SLC39A5: variants seen among roughly 807,000 people sequenced by gnomAD.
SLC39A5 encodes solute carrier family 39 member 5.
Under a neutral mutation model 46.9 loss-of-function variants are expected in SLC39A5, and 42 were observed. That is an observed-to-expected ratio of 0.90 (90% CI 0.70 to 1.16). The LOEUF (loss-of-function observed/expected upper bound fraction) is 1.16. Among genes scored for constraint, SLC39A5 ranks in the 50% most tolerant of loss-of-function variants. SLC39A5 has a pLI of 0.00. For missense variants in SLC39A5, 677 were observed against 686.8 expected, an observed-to-expected ratio of 0.99 and a Z score of 0.16; for synonymous variants, 311 against 323.1, an observed-to-expected ratio of 0.96 and a Z score of 0.40.
At position 56,236,663 on chromosome 12, in the gene SLC39A5, A is replaced by T. The variant is rs144206133; in HGVS notation, c.1124A>T (p.His375Leu). Residue 375 changes from histidine to leucine, a missense_variant, in exon 10 of 13, where the codon CAT becomes CTT. His to Leu is a moderately conservative substitution (Grantham distance 99). Transcript: ENST00000454355. ...LAPPGHQGHS[H>L]GHQGGTDITW... ...CCTCCTGGGCACCAAGGCCACAGTC[A>T]TGGGCACCAGGGTGGCACTGATATC... The T allele has an allele frequency of 1.5e-4, 250 of 1,613,650 alleles. No individual in the cohort carries two copies. The highest frequency in any genetic ancestry group is 4.9e-4 in the Middle Eastern group (3 of 6,082).
Position 56,236,968 on chromosome 12 carries a change from T to C in SLC39A5, c.1245T>C (p.Ser415=). The part of the protein sequence containing the change: ...AFSDGFSSGL[S]TTLAVFCHEL... ...CTGATGGCTTCTCCAGCGGCCTCAGTACCACCTTAGCGGTCTTCTGCCATG... is the reference window on the plus strand; with the variant it reads ...CTGATGGCTTCTCCAGCGGCCTCAGCACCACCTTAGCGGTCTTCTGCCATG... Residue 415 remains serine, a synonymous_variant, in exon 11 of 13, where the codon AGT becomes AGC. Coordinates refer to ENST00000454355, the MANE Select transcript of SLC39A5 (RefSeq NM_173596.3). 1 of 1,614,110 alleles carries C rather than the reference T, an allele frequency of 6.2e-7. No homozygotes were observed. Among genetic ancestry groups the C allele is most frequent in the Non-Finnish European group, 8.5e-7 (1 of 1,179,972 alleles).
In SLC39A5 at chr12:56,231,371, G is replaced by C. The variant is rs369244817; in HGVS notation, c.97G>C (p.Glu33Gln). ...GGSVPNLGPA[E>Q]QEQNHYLAQL... ...CTCAGTCCCCAACCTGGGCCCTGCT[G>C]AGCAGGAGCAGAACCATTACCTGGC... The change falls in exon 4 of 13, where the codon GAG (glutamate) becomes CAG (glutamine). Residue 33 changes from glutamate to glutamine, a missense_variant. Physicochemically the swap from Glu to Gln is conservative, Grantham distance 29. Coordinates refer to ENST00000454355, the MANE Select transcript of SLC39A5 (RefSeq NM_173596.3). The C allele has an allele frequency of 6.6e-5, 106 of 1,613,948 alleles. No homozygotes were observed. The highest frequency in any genetic ancestry group is 8.8e-5 in the Non-Finnish European group (104 of 1,180,026).
intron 5 of SLC39A5, 38 bp downstream of exon 5, chr12:56,232,910 G>A (rs1472355580): frequency 3.2e-6 from 5 of 1,551,622 alleles, no homozygotes; most frequent in South Asian, 1.2e-5. Flanking sequence ...GGAGCCATGG[G>A]ATTAGATGGC....
chr12:56,233,548 C>G (rs1870447768), intron 5 of SLC39A5, among the ~76,000 whole-genome samples: 1 of 152,116 alleles, frequency 6.6e-6, no homozygotes, highest in Non-Finnish European at 1.5e-5. Context: ...CCTCTGGGAT[C>G]AGAGCAGGTG....
In SLC39A5 at chr12:56,237,620, G is replaced by C. The variant is rs1286733370; in HGVS notation, c.1512G>C (p.Leu504=). The C allele has an allele frequency of 6.2e-7, 1 of 1,613,588 alleles. No homozygotes were observed. Among genetic ancestry groups the C allele is most frequent in the Admixed American group, 1.7e-5 (1 of 59,986 alleles). The change falls in exon 13 of 13, where the codon CTG becomes CTC. Residue 504 remains leucine (L), a synonymous_variant. Transcript: ENST00000454355. ...LPALLRPPEP[L]PTPHVLLQGL... Reference sequence around the variant, plus strand: ...CCCTGCTTCGTCCTCCGGAGCCCCTGCCTACGCCCCATGTGCTCCTGCAGG... The same window carrying C: ...CCCTGCTTCGTCCTCCGGAGCCCCTCCCTACGCCCCATGTGCTCCTGCAGG...
At chr12:56,232,899 A>T (rs769704280) in intron 5 of SLC39A5, 27 bp downstream of exon 5, 3 of 1,586,962 alleles carry the variant, frequency 1.9e-6, no homozygotes, top group Non-Finnish European at 2.6e-6. Context: ...CTAGAGGGGA[A>T]GGAGCCATGG....
In SLC39A5 at chr12:56,232,957, T is replaced by C. The variant is rs1263167209; in HGVS notation, c.471+85T>C. 27 of 1,441,552 alleles carry C rather than the reference T, an allele frequency of 1.9e-5. 1 individual carries two copies. The highest frequency in any genetic ancestry group is 2.5e-5 in the Non-Finnish European group (27 of 1,067,646). 89.3% of individuals were successfully genotyped at this position (1,441,552 alleles called of 1,614,324 possible). A position where few individuals can be genotyped will look rare whatever the true frequency, so the allele number is the denominator to read the frequency against. ...AAATAATCAGTAGTTTTTTGTTTTG[T>C]TTTGTTTTTAAATCCCAACGTGGAC... is the stretch of plus-strand genomic sequence containing the variant. On this transcript the variant is annotated intron_variant, in intron 5 of 12. Coordinates refer to ENST00000454355, the MANE Select transcript of SLC39A5 (RefSeq NM_173596.3).
At chr12:56,234,691 C>T (rs1870554369) in intron 5 of SLC39A5, 133 bp from the exon 6 acceptor site, 2 of 944,070 alleles carry the variant, frequency 2.1e-6, no homozygotes, top group Admixed American at 2.1e-5. Flanking sequence ...AAACTCCTGA[C>T]CTCAGATGAT....
At chr12:56,235,018 T>C in intron 6 of SLC39A5, 32 bp downstream of exon 6, 3 of 1,609,898 alleles carry the variant, frequency 1.9e-6, no homozygotes, top group Non-Finnish European at 1.7e-6. Context: ...GGGGACACCC[T>C]GAATCCTGGA....
At chr12:56,230,610 G>A (rs1870112657) in intron 2 of SLC39A5, 1 of 152,358 alleles carries the variant, frequency 6.6e-6, no homozygotes, top group South Asian at 2.1e-4. Context: ...CCCTACCCAG[G>A]GGCCCAGCAG....
rs1310694718 is a variant in SLC39A5 at position 56,234,948 on chromosome 12, G to T, written c.596G>T (p.Gly199Val). The T allele has an allele frequency of 6.2e-7, 1 of 1,613,622 alleles. No homozygotes were observed. Among genetic ancestry groups the T allele is most frequent in the African/African-American group, 1.3e-5 (1 of 75,052 alleles). ...LYQIDSRVCI[G>V]APAPAPPGDL... The stretch of plus-strand genomic sequence containing the variant: ...CAGATCGACAGCCGCGTCTGCATCG[G>T]CGCTCCGGCCCCTGCACCCCCAGGG... The change falls in exon 6 of 13, where the codon GGC (glycine) becomes GTC (valine). Residue 199 changes from glycine to valine, a missense_variant. Transcript: ENST00000454355.
At chr12:56,235,765 C>A (rs1430876971) in intron 8 of SLC39A5, 65 bp downstream of exon 8, 1 of 1,602,958 alleles carries the variant, frequency 6.2e-7, no homozygotes, top group African/African-American at 1.3e-5. Flanking sequence ...CTGGGCCAGG[C>A]CGGGCGCGGT....
intron 12 of SLC39A5, 72 bp downstream of exon 12, chr12:56,237,412 C>A (rs1429738698): frequency 1.3e-6 from 2 of 1,526,556 alleles, no homozygotes; most frequent in East Asian, 4.5e-5. Flanking sequence ...AGGTAGCAGT[C>A]CCTCCGCCTC....
intron 5 of SLC39A5, 114 bp from the exon 6 acceptor site, chr12:56,234,710 C>T: frequency 4.3e-6 from 5 of 1,155,182 alleles, no homozygotes; most frequent in Non-Finnish European, 5.1e-6. Context: ...ATACACCCGC[C>T]TGGGCCTCTC....
At chr12:56,230,916 T>G in intron 3 of SLC39A5, 43 bp downstream of exon 3, 62 of 213,164 alleles carry the variant, frequency 2.9e-4, no homozygotes, top group East Asian at 7.6e-4. Context: ...GCCCTGGGGA[T>G]TGAGGGGGGA....
At chr12:56,232,386 G>A (rs913015274) in intron 4 of SLC39A5, among the ~76,000 whole-genome samples, 11 of 151,558 alleles carry the variant, frequency 7.3e-5, no homozygotes, top group South Asian at 2.1e-4. Context: ...GGCTGGTCTC[G>A]AACTTCCAAC....
At chr12:56,235,999 A>G (rs540265336) in intron 8 of SLC39A5, among the ~76,000 whole-genome samples, 3 of 152,242 alleles carry the variant, frequency 2.0e-5, no homozygotes, top group South Asian at 2.1e-4. Context: ...CTAAGATGGC[A>G]CCACTGCACT....
chr12:56,234,157 TA>T (rs748095528), intron 5 of SLC39A5, among the ~76,000 whole-genome samples: 9 of 150,542 alleles, frequency 6.0e-5, no homozygotes, highest in South Asian at 2.1e-4. Context: ...TATATATATA[TA>T]TTTTTTTGAG....
At chr12:56,237,504 C>T in intron 12 of SLC39A5, 84 bp from the exon 13 acceptor site, 1 of 1,593,360 alleles carries the variant, frequency 6.3e-7, no homozygotes, top group Non-Finnish European at 8.6e-7. Context: ...TGGGTGGGGG[C>T]TGCTGATGCT....
Sources: allele counts gnomAD v4.1 joint callset (sites outside exome capture counted in the v4.1 genomes callset), GRCh38; gene constraint gnomAD v4.1.1; transcripts MANE v1.5; gene names NCBI Gene and HGNC (gene_info 2026-07-23, HGNC 2026-07-21).